ANKFN1: variants seen among roughly 807,000 people sequenced by gnomAD.
The protein encoded by ANKFN1 is ankyrin repeat and fibronectin type-III domain-containing protein 1.
ANKFN1 carries 74 observed loss-of-function variants against 108.7 expected under a neutral mutation model. The observed-to-expected ratio is 0.68, with a 90% CI of 0.56 to 0.83. ANKFN1 has a LOEUF of 0.83. Among genes scored for constraint, ANKFN1 ranks in the 40% least tolerant of loss-of-function variants. The pLI is 0.00. For missense variants in ANKFN1, 1,505 were observed against 1,382.3 expected, an observed-to-expected ratio of 1.09 and a Z score of -1.41; for synonymous variants, 547 against 516.2, an observed-to-expected ratio of 1.06 and a Z score of -0.81.
At chr17:56,152,412 CTT>C (rs948317090), upstream of ANKFN1, among the ~76,000 whole-genome samples, 1 of 150,918 alleles carries the variant, frequency 6.6e-6, no homozygotes, top group Non-Finnish European at 1.5e-5. Context: ...ATTTACTTGT[CTT>C]TTTTTTTCCT....
chr17:56,313,759 C>T (rs1369125846), intron 3 of ANKFN1, among the ~76,000 whole-genome samples: 3 of 152,200 alleles, frequency 2.0e-5, no homozygotes. Flanking sequence ...GTAGCTAAGG[C>T]AGGCATTATT....
intron 1 of ANKFN1, among the ~76,000 whole-genome samples, chr17:56,196,173 T>C (rs538560180): frequency 3.3e-5 from 5 of 152,206 alleles, no homozygotes; most frequent in African/African-American, 1.2e-4. Flanking sequence ...GAGGATTGAC[T>C]TGAGCCCAAG....
At chr17:56,333,948 C>T (rs1445364686) in intron 4 of ANKFN1, among the ~76,000 whole-genome samples, 3 of 152,218 alleles carry the variant, frequency 2.0e-5, no homozygotes, top group African/African-American at 7.2e-5. Flanking sequence ...GTTTCCCTCT[C>T]TTTGGAACTC....
intron 1 of ANKFN1, among the ~76,000 whole-genome samples, chr17:56,175,067 G>A (rs72831972): frequency 2.0e-5 from 3 of 151,960 alleles, no homozygotes; most frequent in Non-Finnish European, 4.4e-5. Flanking sequence ...CTATATCCAC[G>A]TTTGTATTAA....
intron 16 of ANKFN1, 121 bp downstream of exon 16, chr17:56,477,775 C>T: frequency 9.8e-7 from 1 of 1,018,308 alleles, no homozygotes; most frequent in South Asian, 1.7e-5. Context: ...GAGGTGTCCT[C>T]AGATGCCACA....
chr17:56,091,755 A>G (rs895409093), intron 4 of ANKFN1, among the ~76,000 whole-genome samples: 2 of 151,502 alleles, frequency 1.3e-5, no homozygotes, highest in Admixed American at 1.3e-4. Flanking sequence ...AAGCAGCCAG[A>G]GACTATGTGG....
intron 14 of ANKFN1, among the ~76,000 whole-genome samples, chr17:56,465,892 T>G (rs1278506203): frequency 6.6e-6 from 1 of 152,210 alleles, no homozygotes; most frequent in Non-Finnish European, 1.5e-5. Flanking sequence ...ATGTGCTACA[T>G]TGTCAATTCA....
rs145465219 is a variant in ANKFN1, at chr17:56,110,724, A to G, written c.288+64399A>G. Among the ~76,000 whole-genome samples, 215 of 152,334 alleles carry G rather than the reference A, an allele frequency of 1.4e-3. 2 individuals carry two copies. Among genetic ancestry groups the G allele is most frequent in the African/African-American group, 5.1e-3 (212 of 41,574 alleles). Reference sequence around the variant, plus strand: ...TGCTTTGAACTCCTTCCTTTAAACCATGCTGCAGGTAACAATGTACTCACC... The same window carrying G: ...TGCTTTGAACTCCTTCCTTTAAACCGTGCTGCAGGTAACAATGTACTCACC... On this transcript the variant is annotated intron_variant, in intron 4 of 12. Transcript: ENST00000635860.
intron 8 of ANKFN1, among the ~76,000 whole-genome samples, chr17:56,380,795 G>T (rs1373929264): frequency 1.3e-5 from 2 of 152,220 alleles, no homozygotes; most frequent in Non-Finnish European, 2.9e-5. Context: ...GTTCGAACTG[G>T]GTGGAGCCCA....
chr17:56,097,011 A>G (rs1905547929), intron 4 of ANKFN1, among the ~76,000 whole-genome samples: 1 of 152,168 alleles, frequency 6.6e-6, no homozygotes, highest in African/African-American at 2.4e-5. Context: ...TTAAGAGAGG[A>G]GCAGAAAACC....
intron 3 of ANKFN1, among the ~76,000 whole-genome samples, chr17:56,288,036 A>C (rs1388067753): frequency 6.6e-6 from 1 of 151,752 alleles, no homozygotes; most frequent in African/African-American, 2.4e-5. Context: ...GTGGACCCAG[A>C]GTCATTGAAA....
intron 1 of ANKFN1, among the ~76,000 whole-genome samples, chr17:56,198,170 A>G (rs559081170): frequency 5.9e-5 from 9 of 152,242 alleles, no homozygotes; most frequent in Non-Finnish European, 1.0e-4. Context: ...AAGACAAAAC[A>G]TAGAAGTTAG....
chr17:56,235,569 T>C (rs1450940301), intron 3 of ANKFN1, among the ~76,000 whole-genome samples: 1 of 152,204 alleles, frequency 6.6e-6, no homozygotes, highest in Non-Finnish European at 1.5e-5. Context: ...ATCTTCTGCA[T>C]ATGGCTAGCC....
chr17:56,350,810 T>C lies in ANKFN1; in HGVS notation c.233T>C (p.Leu78Pro). 6.2e-7 allele frequency: 1 copy of C among 1,613,784 alleles called. No individual in the cohort carries two copies. The highest frequency in any genetic ancestry group is 8.5e-7 in the Non-Finnish European group (1 of 1,179,832). ...ACGCAACAAATGCAAAATTTACATC[T>C]CTGTCAGTCAAAAAAACATAGTGCT... ...KMTQQMQNLH[L>P]CQSKKHSAPS... Residue 78 changes from leucine to proline, a missense_variant, in exon 5 of 21, where the codon CTC (leucine) becomes CCC (proline). Physicochemically the swap from Leu to Pro is moderately conservative, Grantham distance 98. Coordinates refer to ENST00000682825, the MANE Select transcript of ANKFN1 (RefSeq NM_001370326.1).
At chr17:56,184,104 G>C (rs1911954065) in intron 1 of ANKFN1, among the ~76,000 whole-genome samples, 1 of 152,214 alleles carries the variant, frequency 6.6e-6, no homozygotes, top group African/African-American at 2.4e-5. Context: ...GGCAGAGTTT[G>C]AGAGGATTGA....
At chr17:56,379,520 T>TGGA (rs1226128604) in intron 8 of ANKFN1, among the ~76,000 whole-genome samples, 1 of 152,232 alleles carries the variant, frequency 6.6e-6, no homozygotes, top group Non-Finnish European at 1.5e-5. Context: ...TATATGCACA[T>TGGA]GGATATATAC....
chr17:56,415,182 G>A (rs1384867351), intron 8 of ANKFN1, among the ~76,000 whole-genome samples: 1 of 152,100 alleles, frequency 6.6e-6, no homozygotes, highest in East Asian at 1.9e-4. Context: ...CTGTTATTCA[G>A]CATAGTACTG....
chr17:56,452,282 TGCATTCAGA>T (rs2049513515), intron 11 of ANKFN1, among the ~76,000 whole-genome samples: 1 of 152,212 alleles, frequency 6.6e-6, no homozygotes, highest in African/African-American at 2.4e-5. Flanking sequence ...AGGGAACTAC[TGCATTCAGA>T]GTACAGAAAA....
chr17:56,357,325 T>A (rs1022888888), intron 6 of ANKFN1, among the ~76,000 whole-genome samples: 1 of 152,238 alleles, frequency 6.6e-6, no homozygotes, highest in African/African-American at 2.4e-5. Context: ...AACTCCATTT[T>A]AAGAGGAGGA....
Sources: gnomAD v4.1 joint callset for allele counts (sites outside exome capture counted in the v4.1 genomes callset) on GRCh38, gnomAD v4.1.1 for gene constraint, MANE v1.5 for transcripts, NCBI Gene and HGNC (gene_info 2026-07-23, HGNC 2026-07-21) for gene names.